LOXHD1: variants seen among roughly 807,000 people sequenced by gnomAD.
LOXHD1 encodes lipoxygenase homology domain-containing protein 1.
Under a neutral mutation model 248.2 loss-of-function variants are expected in LOXHD1, and 205 were observed. That is an observed-to-expected ratio of 0.83 (90% CI 0.74 to 0.93). The LOEUF is 0.93. LOXHD1 is among the 40% of genes least tolerant of loss of function. The probability of loss-of-function intolerance (pLI) is 0.00; values close to 1 mark genes in which losing one functional copy is unlikely to be tolerated. For missense variants in LOXHD1, 2,930 were observed against 2,971.6 expected, an observed-to-expected ratio of 0.99 and a Z score of 0.33; for synonymous variants, 1,113 against 1,162.8, an observed-to-expected ratio of 0.96 and a Z score of 0.87.
At chr18:46,562,948 G>A in intron 18 of LOXHD1, 117 bp downstream of exon 18, 1 of 1,243,324 alleles carries the variant, frequency 8.0e-7, no homozygotes, top group Non-Finnish European at 1.1e-6. Flanking sequence ...CCACCCAACT[G>A]GAGGGAGGCA....
chr18:46,601,068 C>T (rs2038329229), intron 8 of LOXHD1, 149 bp downstream of exon 8: 1 of 1,120,598 alleles, frequency 8.9e-7, no homozygotes, highest in Non-Finnish European at 1.2e-6. Context: ...TAGACGGACA[C>T]GTAACCACCC....
At chr18:46,483,549 GGGAGT>G (rs1354901867) in intron 40 of LOXHD1, 33 bp downstream of exon 40, 1 of 1,551,140 alleles carries the variant, frequency 6.4e-7, no homozygotes, top group South Asian at 1.2e-5. Flanking sequence ...CCCATGCTGA[GGGAGT>G]GGCACTTCCT....
chr18:46,481,486 T>A (rs2032565781), intron 40 of LOXHD1, among the ~76,000 whole-genome samples: 1 of 152,178 alleles, frequency 6.6e-6, no homozygotes, highest in Middle Eastern at 3.2e-3. Flanking sequence ...CCTGCCATCG[T>A]CCCTCTACCC....
In LOXHD1 at chr18:46,559,140, G is replaced by A. The variant is rs73429195; in HGVS notation, c.3216+308C>T. The A allele has an allele frequency of 3.6e-6, 5 of 1,372,412 alleles. No homozygotes were observed. The African/African-American group carries it at 5.8e-5, about 16-fold the overall frequency. 85.0% of individuals were successfully genotyped at this position (1,372,412 alleles called of 1,614,324 possible). A position where few individuals can be genotyped will look rare whatever the true frequency, so the allele number is the denominator to read the frequency against. ...CCCCCAAGACACCATCTTGCGGCGA[G>A]GACTTCCTCTTGAACCCCCGCATCC... On this transcript the variant is annotated intron_variant, in intron 20 of 40. Transcript: ENST00000642948.
At chr18:46,602,931 A>T (rs979904302) in intron 7 of LOXHD1, among the ~76,000 whole-genome samples, 1 of 152,182 alleles carries the variant, frequency 6.6e-6, no homozygotes, top group Non-Finnish European at 1.5e-5. Flanking sequence ...GACATATAAT[A>T]TTCACATATT....
At chr18:46,507,907 G>A (rs1190442964) in intron 35 of LOXHD1, among the ~76,000 whole-genome samples, 195 bp from the exon 36 acceptor site, 1 of 152,180 alleles carries the variant, frequency 6.6e-6, no homozygotes, top group Non-Finnish European at 1.5e-5. Context: ...GCCTGGCATG[G>A]GATTTGAAGT....
intron 21 of LOXHD1, among the ~76,000 whole-genome samples, chr18:46,550,027 AAGT>A (rs1273115560): frequency 6.6e-6 from 1 of 152,234 alleles, no homozygotes; most frequent in African/African-American, 2.4e-5. Context: ...AGAAAAAGGA[AAGT>A]AGCACAATCT....
rs761708527 is a variant in LOXHD1 at position 46,610,728 on chromosome 18, G to T, written c.759+48C>A. ...ATACAACCCTCTGAAGAACAAGAAGGCCCCCCTTCCAAGGCCACAGGGACT... is the reference window on the plus strand; with the variant it reads ...ATACAACCCTCTGAAGAACAAGAAGTCCCCCCTTCCAAGGCCACAGGGACT... On this transcript the variant is annotated intron_variant, in intron 6 of 40. Coordinates refer to ENST00000642948, the MANE Select transcript of LOXHD1 (RefSeq NM_001384474.1). 20 of 1,501,956 alleles carry T rather than the reference G, an allele frequency of 1.3e-5. No homozygotes were observed. The Admixed American group carries it at 2.3e-4, about 18-fold the overall frequency. 93.0% of individuals were successfully genotyped at this position (1,501,956 alleles called of 1,614,324 possible).
At chr18:46,642,514 A>G (rs1599071132) in intron 2 of LOXHD1, among the ~76,000 whole-genome samples, 1 of 152,228 alleles carries the variant, frequency 6.6e-6, no homozygotes, top group Admixed American at 6.5e-5. Flanking sequence ...GTAGATGCAG[A>G]CCTTGGGTGG....
chr18:46,624,299 G>C (rs1453343273), intron 4 of LOXHD1, among the ~76,000 whole-genome samples: 4 of 152,182 alleles, frequency 2.6e-5, no homozygotes, highest in Non-Finnish European at 4.4e-5. Context: ...AGATGAAAAC[G>C]GCAAGGGAGA....
intron 20 of LOXHD1, 84 bp from the exon 21 acceptor site, chr18:46,557,573 G>A: frequency 1.3e-6 from 2 of 1,514,494 alleles, no homozygotes; most frequent in Admixed American, 2.0e-5. Flanking sequence ...AAGAACCAGG[G>A]CAGCCAGCCA....
At chr18:46,585,362 A>G (rs1437655241) in intron 12 of LOXHD1, among the ~76,000 whole-genome samples, 2 of 152,208 alleles carry the variant, frequency 1.3e-5, no homozygotes, top group African/African-American at 4.8e-5. Flanking sequence ...GTACAAGATC[A>G]ATATACCAAA....
chr18:46,628,528 C>T (rs1400716763), intron 4 of LOXHD1, among the ~76,000 whole-genome samples: 1 of 152,186 alleles, frequency 6.6e-6, no homozygotes, highest in African/African-American at 2.4e-5. Flanking sequence ...AGAGGCTTTC[C>T]CTGCTGGCTT....
At chr18:46,577,897 G>A in intron 13 of LOXHD1, 30 bp from the exon 14 acceptor site, 1 of 1,551,134 alleles carries the variant, frequency 6.4e-7, no homozygotes, top group Non-Finnish European at 8.7e-7. Context: ...AGGCCAGTTA[G>A]ACAGTGGCTA....
chr18:46,631,624 T>C (rs1414765604), intron 4 of LOXHD1, among the ~76,000 whole-genome samples: 1 of 152,170 alleles, frequency 6.6e-6, no homozygotes, highest in Non-Finnish European at 1.5e-5. Flanking sequence ...CGAGGGGCCT[T>C]GACATTTCCT....
intron 2 of LOXHD1, among the ~76,000 whole-genome samples, chr18:46,644,853 G>C (rs926737345): frequency 1.3e-5 from 2 of 152,222 alleles, no homozygotes; most frequent in African/African-American, 4.8e-5. Context: ...ACTTGCTGGG[G>C]GGTGGGGAGG....
intron 2 of LOXHD1, among the ~76,000 whole-genome samples, chr18:46,642,808 T>C (rs1427292447): frequency 6.6e-6 from 1 of 152,144 alleles, no homozygotes; most frequent in African/African-American, 2.4e-5. Context: ...CCATCCTGTG[T>C]GCAGGGCCGG....
chr18:46,529,454 G>A (rs779322031), intron 28 of LOXHD1, 123 bp from the exon 29 acceptor site: 2 of 1,128,492 alleles, frequency 1.8e-6, no homozygotes, highest in Non-Finnish European at 2.4e-6. Context: ...AGGGGTTAAT[G>A]CCTTCCTTTT....
intron 8 of LOXHD1, among the ~76,000 whole-genome samples, chr18:46,599,497 T>C (rs894578787): frequency 2.0e-5 from 3 of 152,152 alleles, no homozygotes; most frequent in Non-Finnish European, 4.4e-5. Context: ...CAACAATTTT[T>C]AGAAAAGGAT....
Sources: allele counts gnomAD v4.1 joint callset (sites outside exome capture counted in the v4.1 genomes callset), GRCh38; gene constraint gnomAD v4.1.1; transcripts MANE v1.5; gene names NCBI Gene and HGNC (gene_info 2026-07-23, HGNC 2026-07-21).